CAND1: variants seen among roughly 807,000 people sequenced by gnomAD.
CAND1 encodes cullin-associated NEDD8-dissociated protein 1.
A neutral mutation model predicts 108.5 loss-of-function variants in CAND1; 7 were observed. That is an observed-to-expected ratio of 0.06 (90% confidence interval 0.04 to 0.12). The LOEUF is 0.12. Among genes scored for constraint, CAND1 ranks in the 10% least tolerant of loss-of-function variants. CAND1 has a pLI of 1.00. For synonymous variants in CAND1, 534 were observed against 512.0 expected (o/e 1.04, Z -0.58); for missense variants, 941 against 1,448.7 (o/e 0.65, Z 5.69).
rs1352813778 is a variant in CAND1, at chr12:67,269,692, C to G, written c.-26C>G. On this transcript the variant is annotated 5_prime_UTR_variant, in exon 1 of 15. Coordinates refer to ENST00000545606, the MANE Select transcript of CAND1 (RefSeq NM_018448.5). ...CAGCGGGCAGCAGCTCCAGCAGCGC[C>G]AGCAGGCGGGATCGAGGCCGTCAAC... The G allele has an allele frequency of 1.9e-6, 3 of 1,591,138 alleles. No homozygotes were observed. The Admixed American group carries it at 5.2e-5, about 27-fold the overall frequency.
At chr12:67,276,942 C>T (rs924822864) in intron 1 of CAND1, among the ~76,000 whole-genome samples, 1 of 152,130 alleles carries the variant, frequency 6.6e-6, no homozygotes, top group Non-Finnish European at 1.5e-5. Flanking sequence ...AATATCCATT[C>T]CATGTAGTTT....
chr12:67,295,304 TGA>T (rs1303030218), intron 4 of CAND1, 148 bp downstream of exon 4: 1 of 606,258 alleles, frequency 1.6e-6, no homozygotes, highest in Non-Finnish European at 2.7e-6. Context: ...TGATTGGGAG[TGA>T]GGGGGAAATA....
At position 67,317,163 on chromosome 12, in the gene CAND1, GGTCTC is replaced by G. The variant is rs2045014758; in HGVS notation, c.*4334_*4338del. 2 of 152,190 alleles carry G rather than the reference GGTCTC, an allele frequency of 1.3e-5. No individual in the cohort carries two copies. Among genetic ancestry groups the G allele is most frequent in the Non-Finnish European group, 2.9e-5 (2 of 68,042 alleles). The allele number at this position is 152,190 out of a possible 1,614,324, so 9.4% of individuals were successfully genotyped here. ...AGGTTTGTTTTTGTGTTTAAGACAA[GGTCTC>G]ACTCTGTTGCCTGGACTGGAGTACA... is the stretch of plus-strand genomic sequence containing the variant. On this transcript the variant is annotated 3_prime_UTR_variant, in exon 15 of 15. Coordinates refer to ENST00000545606, the MANE Select transcript of CAND1 (RefSeq NM_018448.5).
Position 67,317,473 on chromosome 12 carries a change from ATTTTTTTTTTT to A in CAND1, c.*4656_*4666del, listed in dbSNP as rs61481589. The A allele has an allele frequency of 3.4e-5, 3 of 88,220 alleles. No homozygotes were observed. The highest frequency in any genetic ancestry group is 1.2e-4 in the Admixed American group (1 of 8,070). The allele number at this position is 88,220 out of a possible 1,614,324, so 5.5% of individuals were successfully genotyped here. On this transcript the variant is annotated 3_prime_UTR_variant, in exon 15 of 15. Transcript: ENST00000545606. The stretch of plus-strand genomic sequence containing the variant: ...CTTTTTTCTTTTTTTTTCTTTCTTA[ATTTTTTTTTTT>A]TTTTTTTTTTTTGAGATTGATGGAG...
At chr12:67,288,733 T>C (rs1467411857) in intron 2 of CAND1, among the ~76,000 whole-genome samples, 1 of 152,152 alleles carries the variant, frequency 6.6e-6, no homozygotes, top group Non-Finnish European at 1.5e-5. Flanking sequence ...AGATGGAACA[T>C]TACACAAGAG....
At position 67,316,301 on chromosome 12, in the gene CAND1, G is replaced by C. The variant is rs1253494854; in HGVS notation, c.*3471G>C. 1 of 152,218 alleles carries C rather than the reference G, an allele frequency of 6.6e-6. No homozygotes were observed. Among genetic ancestry groups the C allele is most frequent in the East Asian group, 1.9e-4 (1 of 5,200 alleles). 9.4% of individuals were successfully genotyped at this position (152,218 alleles called of 1,614,324 possible). ...ATTTTGGTTGCAAAAGTGGAACACA[G>C]TGGAAGTATTTGGCTACAGGCTACC... On this transcript the variant is annotated 3_prime_UTR_variant, in exon 15 of 15. Coordinates refer to ENST00000545606, the MANE Select transcript of CAND1 (RefSeq NM_018448.5).
At chr12:67,311,623 G>A in intron 13 of CAND1, 70 bp from the exon 14 acceptor site, 2 of 706,742 alleles carry the variant, frequency 2.8e-6, no homozygotes, top group Admixed American at 2.6e-5. Flanking sequence ...TAAAGGATTT[G>A]TCAGAATTTA....
rs528509887 is a variant in CAND1, at chr12:67,313,368, A to C, written c.*538A>C. The C allele has an allele frequency of 6.5e-6, 1 of 152,762 alleles. No homozygotes were observed. The highest frequency in any genetic ancestry group is 2.1e-4 in the South Asian group (1 of 4,824). 9.5% of individuals were successfully genotyped at this position (152,762 alleles called of 1,614,324 possible). A position where few individuals can be genotyped will look rare whatever the true frequency, so the allele number is the denominator to read the frequency against. On this transcript the variant is annotated 3_prime_UTR_variant, in exon 15 of 15. Coordinates refer to ENST00000545606, the MANE Select transcript of CAND1 (RefSeq NM_018448.5). ...GTTTGGCAATTTTTAAAAGATAATAAGGTATCATTTTTAAGTATGAAAATT... is the reference window on the plus strand; with the variant it reads ...GTTTGGCAATTTTTAAAAGATAATACGGTATCATTTTTAAGTATGAAAATT...
intron 1 of CAND1, among the ~76,000 whole-genome samples, chr12:67,274,476 A>G (rs1296628099): frequency 1.3e-5 from 2 of 152,352 alleles, no homozygotes; most frequent in South Asian, 2.1e-4. Context: ...CTGGATGGAT[A>G]TTGTCCACAG....
At chr12:67,293,734 C>T (rs886264549) in intron 3 of CAND1, among the ~76,000 whole-genome samples, 6 of 151,586 alleles carry the variant, frequency 4.0e-5, no homozygotes, top group Admixed American at 1.3e-4. Context: ...GCCTAGGGAA[C>T]AAGAGTGAAA....
intron 13 of CAND1, chr12:67,311,285 G>A (rs943785584): frequency 6.6e-6 from 1 of 152,176 alleles, no homozygotes; most frequent in East Asian, 1.9e-4. Context: ...GGTCAACTCT[G>A]TTATGATAGT....
rs377092302 is a variant in CAND1 at position 67,277,456 on chromosome 12, G to A, written c.69-4454G>A. Among the ~76,000 whole-genome samples the A allele has an allele frequency of 2.6e-4, 40 of 152,172 alleles. 2 individuals are homozygous for A. Among genetic ancestry groups the A allele is most frequent in the African/African-American group, 9.2e-4 (38 of 41,500 alleles). On this transcript the variant is annotated intron_variant, in intron 1 of 14. Coordinates refer to ENST00000545606, the MANE Select transcript of CAND1 (RefSeq NM_018448.5). Reference sequence around the variant, plus strand: ...TGTTTTTTTCAGAAGGCACATTATAGCCTTCTTGCACTTAGGAATGCTAGA... The same window carrying A: ...TGTTTTTTTCAGAAGGCACATTATAACCTTCTTGCACTTAGGAATGCTAGA...
rs1335508269 is a variant in CAND1 at position 67,319,783 on chromosome 12, CT to C, written c.*6956del. 1.3e-5 allele frequency: 2 copies of C among 152,214 alleles called. No individual in the cohort carries two copies. The highest frequency in any genetic ancestry group is 4.8e-5 in the African/African-American group (2 of 41,458). The allele number at this position is 152,214 out of a possible 1,614,324, so 9.4% of individuals were successfully genotyped here. On this transcript the variant is annotated 3_prime_UTR_variant, in exon 15 of 15. Transcript: ENST00000545606. ...TAACCCCTCCTTGTCTGGTTTGTGA[CT>C]TTCTGTACTCTGATGCCCCCAGCTT... is the stretch of plus-strand genomic sequence containing the variant.
At chr12:67,278,061 T>C (rs1430100166) in intron 1 of CAND1, among the ~76,000 whole-genome samples, 3 of 152,208 alleles carry the variant, frequency 2.0e-5, no homozygotes, top group South Asian at 2.1e-4. Flanking sequence ...AATCCTGATA[T>C]GGTCTACAAA....
intron 2 of CAND1, among the ~76,000 whole-genome samples, chr12:67,291,350 T>G (rs1481307480): frequency 6.6e-6 from 1 of 152,150 alleles, no homozygotes. Context: ...GGCACATTGT[T>G]TTATAAATCT....
In CAND1 at chr12:67,319,714, T is replaced by C. The variant is rs189772337; in HGVS notation, c.*6884T>C. The C allele has an allele frequency of 4.6e-5, 7 of 152,344 alleles. No homozygotes were observed. The highest frequency in any genetic ancestry group is 1.9e-4 in the East Asian group (1 of 5,184). The allele number at this position is 152,344 out of a possible 1,614,324, so 9.4% of individuals were successfully genotyped here. The stretch of plus-strand genomic sequence containing the variant: ...ATACTGCCAACGTAGTTCCAGTTTC[T>C]GTATCTAAAGACTCAGCTTGGAGTC... On this transcript the variant is annotated 3_prime_UTR_variant, in exon 15 of 15. Transcript: ENST00000545606.
intron 13 of CAND1, chr12:67,310,570 AG>A (rs776972485): frequency 6.7e-6 from 2 of 300,432 alleles, no homozygotes; most frequent in Non-Finnish European, 1.2e-5. Context: ...CCACTTGCTT[AG>A]TGAATAGTCC....
At chr12:67,278,484 G>A (rs564572691) in intron 1 of CAND1, among the ~76,000 whole-genome samples, 1 of 151,734 alleles carries the variant, frequency 6.6e-6, no homozygotes, top group Non-Finnish European at 1.5e-5. Flanking sequence ...GACACAACCC[G>A]CAGTTCAGTC....
intron 3 of CAND1, 161 bp downstream of exon 3, chr12:67,292,937 AT>A: frequency 1.6e-6 from 1 of 609,460 alleles, no homozygotes; most frequent in Admixed American, 3.2e-5. Context: ...GTGAAGCCTT[AT>A]TTTCCTTAGA....
Sources: allele counts gnomAD v4.1 joint callset (sites outside exome capture counted in the v4.1 genomes callset), GRCh38; gene constraint gnomAD v4.1.1; transcripts MANE v1.5; gene names NCBI Gene and HGNC (gene_info 2026-07-23, HGNC 2026-07-21).